The following UTRN variants were observed in gnomAD, a reference collection of about 807,000 sequenced individuals.
UTRN encodes dystrophin-related protein 1.
In UTRN, 283 loss-of-function variants were observed where a neutral mutation model predicts 463.9. The observed-to-expected ratio is 0.61, with a 90% CI of 0.55 to 0.67. UTRN has a LOEUF of 0.67. Among genes scored for constraint, UTRN ranks in the 30% least tolerant of loss-of-function variants. UTRN has a pLI of 0.00. For synonymous variants in UTRN, 1,442 were observed against 1,431.5 expected (o/e 1.01, Z -0.17); for missense variants, 3,922 against 4,084.3 (o/e 0.96, Z 1.08).
At chr6:144,817,506 T>C (rs1738806905) in intron 65 of UTRN, among the ~76,000 whole-genome samples, 1 of 152,092 alleles carries the variant, frequency 6.6e-6, no homozygotes, top group Non-Finnish European at 1.5e-5. Context: ...GTGGTTCTCT[T>C]TTTTCTTTCT....
Position 144,668,599 on chromosome 6 carries a change from A to T in UTRN, c.7480-9807A>T, listed in dbSNP as rs12333182. On this transcript the variant is annotated intron_variant, in intron 51 of 74. Coordinates refer to ENST00000367545, the MANE Select transcript of UTRN (RefSeq NM_007124.3). Reference sequence around the variant, plus strand: ...AGATCATGGCACTGGCAGATTCGATATTCTAGTGAGGGCCTACTTTCTGGT... The same window carrying T: ...AGATCATGGCACTGGCAGATTCGATTTTCTAGTGAGGGCCTACTTTCTGGT... Among the ~76,000 whole-genome samples, 936 of 152,176 alleles carry T rather than the reference A, an allele frequency of 6.2e-3. 7 individuals carry two copies. Among genetic ancestry groups the T allele is most frequent in the African/African-American group, 0.022 (904 of 41,524 alleles).
intron 49 of UTRN, among the ~76,000 whole-genome samples, chr6:144,556,415 T>G (rs1263222169): frequency 2.0e-5 from 3 of 152,220 alleles, no homozygotes; most frequent in Admixed American, 2.0e-4. Context: ...CAATTAAAAG[T>G]GATGTCAGTG....
chr6:144,388,345 A>C (rs774978982), intron 2 of UTRN, among the ~76,000 whole-genome samples: 2 of 151,682 alleles, frequency 1.3e-5, no homozygotes, highest in African/African-American at 2.4e-5. Context: ...ACAGGGTCTT[A>C]CTTTGTTGTC....
Position 144,463,976 on chromosome 6 carries a change from A to G in UTRN, c.3066+1110A>G, listed in dbSNP as rs77327826. On this transcript the variant is annotated intron_variant, in intron 23 of 74. Transcript: ENST00000367545. ...TATATATATTTAGATGTAGATCCAA[A>G]TATATGTAGATACAATATATATATC... Among the ~76,000 whole-genome samples, 13 of 151,382 alleles carry G rather than the reference A, an allele frequency of 8.6e-5. No individual in the cohort carries two copies. The East Asian group carries it at 2.5e-3, about 29-fold the overall frequency.
At chr6:144,743,042 A>G (rs918096794) in intron 54 of UTRN, among the ~76,000 whole-genome samples, 3 of 152,220 alleles carry the variant, frequency 2.0e-5, no homozygotes, top group Non-Finnish European at 4.4e-5. Flanking sequence ...AGGAGGAAGA[A>G]AAATGAAGTG....
rs1242704800 is a variant in UTRN, at chr6:144,387,784, G to A, written c.80-15339G>A. Among the ~76,000 whole-genome samples, 6 of 152,136 alleles carry A rather than the reference G, an allele frequency of 3.9e-5. No homozygotes were observed. The East Asian group carries it at 1.2e-3, about 29-fold the overall frequency. ...CTGTCTCCCATCCTTTGGGATTTGG[G>A]AGCTTTTTTTGTTTTTGGTTGAGTG... On this transcript the variant is annotated intron_variant, in intron 2 of 74. Coordinates refer to ENST00000367545, the MANE Select transcript of UTRN (RefSeq NM_007124.3).
Position 144,488,784 on chromosome 6 carries a change from A to G in UTRN, c.4084A>G (p.Thr1362Ala). The G allele has an allele frequency of 6.2e-7, 1 of 1,610,498 alleles. No homozygotes were observed. Residue 1362 changes from threonine (T) to alanine (A), a missense_variant, in exon 30 of 75, where the codon ACA becomes GCA. Physicochemically the swap from Thr to Ala is moderately conservative, Grantham distance 58. Around this residue, in one of 3 missense-constraint regions of UTRN, gnomAD observed 2,349 missense variants for 2,303.8 expected, o/e 1.02. Coordinates refer to ENST00000367545, the MANE Select transcript of UTRN (RefSeq NM_007124.3). ...SLGELDKQLT[T>A]YLTDRIDAFQ... ...GGGGGAGCTGGACAAACAGCTCACC[A>G]CATACCTGACTGACAGGATAGATGC...
At chr6:144,404,842 T>C (rs574725229) in intron 3 of UTRN, among the ~76,000 whole-genome samples, 1 of 152,284 alleles carries the variant, frequency 6.6e-6, no homozygotes, top group South Asian at 2.1e-4. Context: ...GGTGGGTCAT[T>C]GACACCTTTA....
chr6:144,532,778 T>G (rs1465065000), intron 42 of UTRN, among the ~76,000 whole-genome samples: 1 of 152,212 alleles, frequency 6.6e-6, no homozygotes, highest in Admixed American at 6.5e-5. Flanking sequence ...TCATCAAACA[T>G]GATTGATGCT....
intron 2 of UTRN, among the ~76,000 whole-genome samples, chr6:144,379,938 G>C (rs1379938917): frequency 6.6e-6 from 1 of 152,190 alleles, no homozygotes; most frequent in South Asian, 2.1e-4. Flanking sequence ...GGAAGAAATG[G>C]AATCTGGGAA....
chr6:144,345,169 T>C (rs564628194), intron 2 of UTRN, among the ~76,000 whole-genome samples: 1 of 141,494 alleles, frequency 7.1e-6, no homozygotes, highest in African/African-American at 3.2e-5. Flanking sequence ...CTTCAGTGAA[T>C]GAGGTGGTAA....
intron 73 of UTRN, among the ~76,000 whole-genome samples, chr6:144,843,100 C>T (rs1335616171): frequency 6.6e-6 from 1 of 152,034 alleles, no homozygotes; most frequent in African/African-American, 2.4e-5. Flanking sequence ...GAATTAAATT[C>T]TTAAAGGAAA....
chr6:144,693,999 C>A (rs1036611127), intron 52 of UTRN, among the ~76,000 whole-genome samples: 2 of 152,014 alleles, frequency 1.3e-5, no homozygotes, highest in East Asian at 3.9e-4. Context: ...CCAGCTTTTG[C>A]CCATTCAGTA....
At chr6:144,375,924 TC>T (rs538033784) in intron 2 of UTRN, among the ~76,000 whole-genome samples, 1 of 151,950 alleles carries the variant, frequency 6.6e-6, no homozygotes, top group East Asian at 1.9e-4. Context: ...CATGTTTTCT[TC>T]CCCCCCACAT....
intron 2 of UTRN, among the ~76,000 whole-genome samples, chr6:144,370,216 C>T (rs1486031149): frequency 6.6e-6 from 1 of 152,176 alleles, no homozygotes; most frequent in Non-Finnish European, 1.5e-5. Flanking sequence ...GGCAGCCCCT[C>T]CCATCCCAAG....
chr6:144,647,055 A>G (rs991033273), intron 51 of UTRN, among the ~76,000 whole-genome samples: 1 of 152,306 alleles, frequency 6.6e-6, no homozygotes, highest in South Asian at 2.1e-4. Context: ...GGATAGGAGT[A>G]AAAGCAAAAT....
In UTRN at chr6:144,421,874, A is replaced by G. The variant is rs750928206; in HGVS notation, c.142-4A>G. ...CATATTTTATTTGTGTTTTTCTTTTACAGAGTGGGAAACCACCCATCAATG... is the reference window on the plus strand; with the variant it reads ...CATATTTTATTTGTGTTTTTCTTTTGCAGAGTGGGAAACCACCCATCAATG... On this transcript the variant is annotated splice_region_variant and splice_polypyrimidine_tract_variant and intron_variant, in intron 3 of 74. Coordinates refer to ENST00000367545, the MANE Select transcript of UTRN (RefSeq NM_007124.3). 6.2e-7 allele frequency: 1 copy of G among 1,608,648 alleles called. No homozygotes were observed. The highest frequency in any genetic ancestry group is 8.5e-7 in the Non-Finnish European group (1 of 1,177,718).
intron 51 of UTRN, among the ~76,000 whole-genome samples, chr6:144,657,413 C>A (rs1779433113): frequency 6.6e-6 from 1 of 152,060 alleles, no homozygotes; most frequent in Non-Finnish European, 1.5e-5. Flanking sequence ...GATACAAAGG[C>A]AACAGTTTCT....
intron 51 of UTRN, among the ~76,000 whole-genome samples, chr6:144,582,473 T>C (rs1377751856): frequency 6.6e-6 from 1 of 152,104 alleles, no homozygotes; most frequent in Non-Finnish European, 1.5e-5. Context: ...TGTGTGTATA[T>C]ATATACACAT....
Sources: gnomAD v4.1 joint callset for allele counts (sites outside exome capture counted in the v4.1 genomes callset) on GRCh38, gnomAD v4.1.1 for gene constraint, gnomAD v4.1.1 regional missense constraint, MANE v1.5 for transcripts, NCBI Gene and HGNC (gene_info 2026-07-23, HGNC 2026-07-21) for gene names.